MYEF2: variants seen among roughly 807,000 people sequenced by gnomAD.
MYEF2 encodes the protein myelin gene expression factor 2.
MYEF2 carries 37 observed loss-of-function variants against 75.2 expected under a neutral mutation model. The observed-to-expected ratio is 0.49, with a 90% CI of 0.38 to 0.65. The LOEUF is 0.65. Among genes scored for constraint, MYEF2 ranks in the 30% least tolerant of loss-of-function variants. The probability of loss-of-function intolerance (pLI) is 0.00; values close to 1 mark genes in which losing one functional copy is unlikely to be tolerated. For missense variants in MYEF2, 634 were observed against 771.4 expected (o/e 0.82, Z 2.11); for synonymous variants, 195 against 241.6 (o/e 0.81, Z 1.79).
chr15:48,159,095 C>T (rs2140883975), intron 6 of MYEF2, among the ~76,000 whole-genome samples, 173 bp from the exon 7 acceptor site: 1 of 152,194 alleles, frequency 6.6e-6, no homozygotes, highest in Non-Finnish European at 1.5e-5. Flanking sequence ...ATCATTTAAG[C>T]TACGTCTACA....
At chr15:48,146,058 T>G (rs1251535479) in intron 16 of MYEF2, among the ~76,000 whole-genome samples, 1 of 151,898 alleles carries the variant, frequency 6.6e-6, no homozygotes, top group African/African-American at 2.4e-5. Context: ...TTATATGGCT[T>G]ATAGCAGGAA....
rs576782358 is a variant in MYEF2, at chr15:48,143,922, T to C, written c.1640-851A>G. ...GAGTAAAAGGGGGAGTTATCAATAATTACACATAAGTAACAGATGTAAAGG... is the reference window on the plus strand; with the variant it reads ...GAGTAAAAGGGGGAGTTATCAATAACTACACATAAGTAACAGATGTAAAGG... On this transcript the variant is annotated intron_variant, in intron 16 of 16. Transcript: ENST00000324324. 4.6e-5 allele frequency among the ~76,000 whole-genome samples: 7 copies of C among 152,156 alleles called. No individual in the cohort carries two copies. The East Asian group carries it at 5.8e-4, about 13-fold the overall frequency.
intron 10 of MYEF2, 81 bp from the exon 11 acceptor site, chr15:48,152,365 T>C (rs2039523385): frequency 8.6e-7 from 1 of 1,162,000 alleles, no homozygotes; most frequent in Non-Finnish European, 1.3e-6. Context: ...TATAGCAAAA[T>C]AGATACCACT....
At chr15:48,148,339 G>C (rs887678595) in intron 16 of MYEF2, among the ~76,000 whole-genome samples, 2 of 151,980 alleles carry the variant, frequency 1.3e-5, no homozygotes, top group African/African-American at 4.8e-5. Flanking sequence ...TGTAACAAAA[G>C]TTAAGTATGG....
At chr15:48,146,742 T>C (rs1158053714) in intron 16 of MYEF2, among the ~76,000 whole-genome samples, 4 of 152,034 alleles carry the variant, frequency 2.6e-5, no homozygotes, top group Non-Finnish European at 1.5e-5. Context: ...GACTGCCTTT[T>C]ACTGCCCAAG....
intron 13 of MYEF2, 115 bp from the exon 14 acceptor site, chr15:48,151,286 A>C: frequency 9.2e-7 from 1 of 1,090,584 alleles, no homozygotes; most frequent in Non-Finnish European, 1.3e-6. Context: ...AGTCTTCTGA[A>C]AATAGAGTTC....
At position 48,136,752 on chromosome 15, in the gene MYEF2, T is replaced by A. The variant is rs2038909894; in HGVS notation, c.*6156A>T. On this transcript the variant is annotated 3_prime_UTR_variant, in exon 17 of 17. Coordinates refer to ENST00000324324, the MANE Select transcript of MYEF2 (RefSeq NM_016132.5). ...TGGTGCTGTGTTTTGACATTAAAATTAACCAATATATTATAAAGAAATGCA... is the reference window on the plus strand; with the variant it reads ...TGGTGCTGTGTTTTGACATTAAAATAAACCAATATATTATAAAGAAATGCA... 14 of 1,613,580 alleles carry A rather than the reference T, an allele frequency of 8.7e-6. No homozygotes were observed. Among genetic ancestry groups the A allele is most frequent in the Non-Finnish European group, 1.0e-5 (12 of 1,179,758 alleles).
At position 48,137,017 on chromosome 15, in the gene MYEF2, A is replaced by C. The variant is rs541314360; in HGVS notation, c.*5891T>G. The C allele has an allele frequency of 1.3e-6, 2 of 1,521,018 alleles. No individual in the cohort carries two copies. The allele number at this position is 1,521,018 out of a possible 1,614,324, so 94.2% of individuals were successfully genotyped here. On this transcript the variant is annotated 3_prime_UTR_variant, in exon 17 of 17. Coordinates refer to ENST00000324324, the MANE Select transcript of MYEF2 (RefSeq NM_016132.5). ...GTCTATTCGCAAAGGAAAAACTTTA[A>C]AATTTCATTTCAATTCAGCAAGTAT... is the stretch of plus-strand genomic sequence containing the variant.
At chr15:48,176,388 T>C (rs535136630) in intron 1 of MYEF2, among the ~76,000 whole-genome samples, 1 of 152,312 alleles carries the variant, frequency 6.6e-6, no homozygotes, top group East Asian at 1.9e-4. Flanking sequence ...AGGCGAATTA[T>C]AAGCAATATG....
intron 1 of MYEF2, among the ~76,000 whole-genome samples, chr15:48,171,302 G>A (rs1270516831): frequency 6.6e-6 from 1 of 152,092 alleles, no homozygotes; most frequent in East Asian, 1.9e-4. Flanking sequence ...CCCTTCCCCT[G>A]CCTATTTTCT....
chr15:48,153,290 A>G (rs948015388), intron 10 of MYEF2: 3 of 152,120 alleles, frequency 2.0e-5, no homozygotes, highest in South Asian at 2.1e-4. Context: ...ACTGGTAATT[A>G]TAACTACATA....
chr15:48,148,090 C>T (rs952064905), intron 16 of MYEF2, among the ~76,000 whole-genome samples: 2 of 151,978 alleles, frequency 1.3e-5, no homozygotes, highest in Non-Finnish European at 2.9e-5. Flanking sequence ...AATATTATCT[C>T]TGTAGTGGCC....
rs747636433 is a variant in MYEF2 at position 48,142,204 on chromosome 15, T to G, written c.*704A>C. On this transcript the variant is annotated 3_prime_UTR_variant, in exon 17 of 17. Transcript: ENST00000324324. ...CTCTCAACATTTCAATTATTTTTCT[T>G]TTTTTAGCAGTTCACTTCAATGGCT... 6.2e-7 allele frequency: 1 copy of G among 1,613,840 alleles called. No individual in the cohort carries two copies. The highest frequency in any genetic ancestry group is 1.3e-5 in the African/African-American group (1 of 75,032).
In MYEF2 at chr15:48,142,429, A is replaced by T; in HGVS notation, c.*479T>A. 9.1e-7 allele frequency: 1 copy of T among 1,104,876 alleles called. No homozygotes were observed. The allele number at this position is 1,104,876 out of a possible 1,614,324, so 68.4% of individuals were successfully genotyped here. A position where few individuals can be genotyped will look rare whatever the true frequency, so the allele number is the denominator to read the frequency against. On this transcript the variant is annotated 3_prime_UTR_variant, in exon 17 of 17. Transcript: ENST00000324324. Reference sequence around the variant, plus strand: ...AAAAATCCATTTCTTCATTTAAATCAAATTTTAAAAATCTTGAACCTTAGA... The same window carrying T: ...AAAAATCCATTTCTTCATTTAAATCTAATTTTAAAAATCTTGAACCTTAGA...
chr15:48,135,162 T>G lies in MYEF2; in HGVS notation c.*7746A>C. On this transcript the variant is annotated 3_prime_UTR_variant, in exon 17 of 17. Coordinates refer to ENST00000324324, the MANE Select transcript of MYEF2 (RefSeq NM_016132.5). ...GCTGATTGAGTTCTTCTCACTAGTTTGCAATTTCTTCTTAATCACTTCACA... is the reference window on the plus strand; with the variant it reads ...GCTGATTGAGTTCTTCTCACTAGTTGGCAATTTCTTCTTAATCACTTCACA... The G allele has an allele frequency of 2.0e-6, 1 of 501,410 alleles. No individual in the cohort carries two copies. Among genetic ancestry groups the G allele is most frequent in the Admixed American group, 3.3e-5 (1 of 30,376 alleles). The allele number at this position is 501,410 out of a possible 1,614,324, so 31.1% of individuals were successfully genotyped here. A position where few individuals can be genotyped will look rare whatever the true frequency, so the allele number is the denominator to read the frequency against.
intron 1 of MYEF2, among the ~76,000 whole-genome samples, chr15:48,174,983 A>T (rs545807413): frequency 3.3e-5 from 5 of 152,188 alleles, no homozygotes; most frequent in Admixed American, 2.0e-4. Context: ...AGATATCTGC[A>T]CTCCCATGTT....
chr15:48,178,182 T>G lies in MYEF2; in HGVS notation c.56A>C (p.His19Pro), dbSNP rs2040630873. 6.5e-7 allele frequency: 1 copy of G among 1,535,806 alleles called. No homozygotes were observed. The highest frequency in any genetic ancestry group is 2.6e-5 in the East Asian group (1 of 38,760). ...VPGATGGDSP[H>P]LQPAEPPGEP... ...GCCCGGCGGCTCTGCGGGCTGCAGG[T>G]GCGGGCTGTCGCCACCAGTGGCCCC... The change falls in exon 1 of 17, where the codon CAC (histidine) becomes CCC (proline). Residue 19 changes from histidine to proline, a missense_variant. Transcript: ENST00000324324.
At chr15:48,148,805 C>G (rs1439656560) in intron 16 of MYEF2, among the ~76,000 whole-genome samples, 1 of 151,876 alleles carries the variant, frequency 6.6e-6, no homozygotes, top group Non-Finnish European at 1.5e-5. Context: ...TATCCTAAAC[C>G]TTGTTACCTA....
At chr15:48,158,389 C>T (rs779279984) in intron 7 of MYEF2, among the ~76,000 whole-genome samples, 165 bp from the exon 8 acceptor site, 7 of 152,034 alleles carry the variant, frequency 4.6e-5, no homozygotes, top group Non-Finnish European at 8.8e-5. Context: ...ATATTCAATT[C>T]TTTGCTTTAC....
Sources: allele counts gnomAD v4.1 joint callset (sites outside exome capture counted in the v4.1 genomes callset), GRCh38; gene constraint gnomAD v4.1.1; transcripts MANE v1.5; gene names NCBI Gene and HGNC (gene_info 2026-07-23, HGNC 2026-07-21).